The following CFAP97 variants were observed in gnomAD, a reference collection of about 807,000 sequenced individuals.
CFAP97 encodes cilia- and flagella-associated protein 97.
In CFAP97, 36 loss-of-function variants were observed where a neutral mutation model predicts 43.1. The observed-to-expected ratio is 0.84, with a 90% CI of 0.64 to 1.10. The LOEUF is 1.10. Ranked by LOEUF, CFAP97 falls within the 50% of genes least tolerant of loss-of-function variation. The pLI, the probability that CFAP97 is intolerant of heterozygous loss-of-function variation, is 0.00. For synonymous variants in CFAP97, 228 were observed against 225.7 expected, an observed-to-expected ratio of 1.01 and a Z score of -0.09; for missense variants, 657 against 620.3, an observed-to-expected ratio of 1.06 and a Z score of -0.63.
intron 2 of CFAP97, among the ~76,000 whole-genome samples, chr4:185,188,572 G>T (rs1736102558): frequency 6.6e-6 from 1 of 152,112 alleles, no homozygotes; most frequent in South Asian, 2.1e-4. Context: ...TCAAACTCCT[G>T]ACCTCAAGCG....
chr4:185,174,489 T>C (rs76106556), intron 3 of CFAP97, among the ~76,000 whole-genome samples: 2 of 152,176 alleles, frequency 1.3e-5, no homozygotes, highest in East Asian at 3.8e-4. Context: ...AATAAAGAAA[T>C]GTACAAAAGA....
intron 1 of CFAP97, among the ~76,000 whole-genome samples, chr4:185,193,887 G>GATAAATAAATGAATAA (rs1736419109): frequency 6.8e-6 from 1 of 147,674 alleles, no homozygotes; most frequent in Non-Finnish European, 1.5e-5. Context: ...GACTCCATCT[G>GATAAATAAATGAATAA]ATAAATAAAT....
chr4:185,174,281 C>G lies in CFAP97; in HGVS notation c.1320+1505G>C, dbSNP rs148052381. ...GACATACGGGAATTTCAAATTTCCA[C>G]GAAACATGAACAAATCTTGAATACT... On this transcript the variant is annotated intron_variant, in intron 3 of 4. Transcript: ENST00000458385. Among the ~76,000 whole-genome samples the G allele has an allele frequency of 2.6e-5, 4 of 152,282 alleles. No homozygotes were observed. In the South Asian group the frequency reaches 6.2e-4, roughly 24 times the overall value.
At chr4:185,186,230 C>T (rs912363448) in intron 2 of CFAP97, among the ~76,000 whole-genome samples, 25 of 152,126 alleles carry the variant, frequency 1.6e-4, no homozygotes, top group Non-Finnish European at 3.5e-4. Flanking sequence ...GTCAGGAGTT[C>T]CAGACCAGCC....
intron 1 of CFAP97, among the ~76,000 whole-genome samples, chr4:185,199,574 G>A (rs1011665522): frequency 3.9e-5 from 6 of 151,912 alleles, no homozygotes; most frequent in African/African-American, 1.5e-4. Context: ...GGAGGCTGAG[G>A]CATGAGAATC....
At chr4:185,210,235 G>T, upstream of CFAP97, 1 of 984,892 alleles carries the variant, frequency 1.0e-6, no homozygotes, top group Non-Finnish European at 1.2e-6. This position sits in a 1 kb window ranked among gnomAD's most constrained non-coding sequence, Gnocchi z 4.4. Context: ...CGCGACCTCA[G>T]CCGCCCGCCG....
At chr4:185,188,751 T>C (rs1020607158) in intron 2 of CFAP97, among the ~76,000 whole-genome samples, 3 of 152,120 alleles carry the variant, frequency 2.0e-5, no homozygotes, top group Admixed American at 6.5e-5. Context: ...ATGGGAGGAA[T>C]TGAGGGCATG....
At chr4:185,210,039 C>A, upstream of CFAP97, 1 of 983,792 alleles carries the variant, frequency 1.0e-6, no homozygotes, top group Non-Finnish European at 1.2e-6. The surrounding 1 kb of genome is among the most constrained non-coding windows in gnomAD (Gnocchi z 4.4). Flanking sequence ...CCGTGGCCCT[C>A]TCCTTCCTGG....
chr4:185,206,868 G>A (rs536182075), upstream of CFAP97, among the ~76,000 whole-genome samples: 2 of 152,204 alleles, frequency 1.3e-5, no homozygotes, highest in South Asian at 2.1e-4. Flanking sequence ...AACTCTGAAG[G>A]CCTCAGAACC....
At chr4:185,187,019 T>G (rs1736031055) in intron 2 of CFAP97, among the ~76,000 whole-genome samples, 2 of 152,096 alleles carry the variant, frequency 1.3e-5, no homozygotes, top group South Asian at 4.2e-4. Flanking sequence ...GCTTAACTAA[T>G]GAACACACAG....
At chr4:185,176,085 G>A (rs1410145761) in intron 2 of CFAP97, 34 bp from the exon 3 acceptor site, 1 of 1,509,006 alleles carries the variant, frequency 6.6e-7, no homozygotes, top group East Asian at 2.3e-5. Flanking sequence ...AGAGAAAATG[G>A]CCAAAGTAAG....
In CFAP97 at chr4:185,164,156, G is replaced by A. The variant is rs374532666; in HGVS notation, c.1344C>T (p.Ala448=). Residue 448 remains alanine, a synonymous_variant, in exon 4 of 5, where the codon GCC becomes GCT. Coordinates refer to ENST00000458385, the MANE Select transcript of CFAP97 (RefSeq NM_020827.3). ...GTTTCATACCAACTGTTGGTTTCAC[G>A]GCCTCAAGCCTTTTCAATAAAGCCT... ...ENLALLKRLE[A]VKPTVGMKRS... is the part of the protein sequence containing the mutation. 145 of 1,613,748 alleles carry A rather than the reference G, an allele frequency of 9.0e-5. 1 individual carries two copies. The South Asian group carries it at 9.3e-4, about 10-fold the overall frequency.
chr4:185,206,758 A>G (rs1737206375), upstream of CFAP97, among the ~76,000 whole-genome samples: 1 of 151,984 alleles, frequency 6.6e-6, no homozygotes, highest in Non-Finnish European at 1.5e-5. Flanking sequence ...GCAGGAATTT[A>G]TTAGAGGAAT....
chr4:185,162,747 C>G lies in CFAP97; in HGVS notation c.*51G>C, dbSNP rs747893588. The G allele has an allele frequency of 6.4e-7, 1 of 1,574,250 alleles. No homozygotes were observed. Among genetic ancestry groups the G allele is most frequent in the Non-Finnish European group, 8.7e-7 (1 of 1,152,134 alleles). On this transcript the variant is annotated 3_prime_UTR_variant, in exon 5 of 5. Transcript: ENST00000458385. ...ACACAGAGAATTATAGGAATATGCACGAGCACTTCAAGAAAAGTTGTGTGA... is the reference window on the plus strand; with the variant it reads ...ACACAGAGAATTATAGGAATATGCAGGAGCACTTCAAGAAAAGTTGTGTGA...
At chr4:185,201,164 A>C (rs868263269) in intron 1 of CFAP97, among the ~76,000 whole-genome samples, 7 of 151,948 alleles carry the variant, frequency 4.6e-5, no homozygotes, top group African/African-American at 1.4e-4. Flanking sequence ...TCTCTACTAC[A>C]AATAAAAAAA....
At chr4:185,206,884 A>C (rs952274347), upstream of CFAP97, among the ~76,000 whole-genome samples, 1 of 152,132 alleles carries the variant, frequency 6.6e-6, no homozygotes, top group African/African-American at 2.4e-5. Flanking sequence ...GAACCAGGGA[A>C]TAGGATGGCA....
intron 2 of CFAP97, among the ~76,000 whole-genome samples, chr4:185,186,500 G>A (rs912657031): frequency 2.0e-5 from 3 of 152,068 alleles, no homozygotes; most frequent in Admixed American, 6.5e-5. Flanking sequence ...TAACTGAAAA[G>A]GTTATTAAAA....
At chr4:185,181,576 C>A (rs930298816) in intron 2 of CFAP97, among the ~76,000 whole-genome samples, 25 of 152,128 alleles carry the variant, frequency 1.6e-4, no homozygotes, top group Non-Finnish European at 1.5e-5. Flanking sequence ...CCGCCCGCCT[C>A]GGCCTCCCAA....
chr4:185,207,074 A>AT (rs1374804620), upstream of CFAP97, among the ~76,000 whole-genome samples: 22 of 152,250 alleles, frequency 1.4e-4, no homozygotes, highest in African/African-American at 5.1e-4. Context: ...GGTTGCCCAC[A>AT]TCAAGGGTGG....
Sources: gnomAD v4.1 joint callset for allele counts (sites outside exome capture counted in the v4.1 genomes callset) on GRCh38, gnomAD v4.1.1 for gene constraint, Gnocchi (gnomAD v3.1) non-coding constraint, MANE v1.5 for transcripts, NCBI Gene and HGNC (gene_info 2026-07-23, HGNC 2026-07-21) for gene names.